The following ATP9B variants were observed in gnomAD, a reference collection of about 807,000 sequenced individuals.
The protein encoded by ATP9B is probable phospholipid-transporting ATPase IIB.
ATP9B carries 110 observed loss-of-function variants against 146.1 expected under a neutral mutation model. That is an observed-to-expected ratio of 0.75 (90% confidence interval 0.65 to 0.88). ATP9B has a LOEUF of 0.88. ATP9B is among the 40% of genes least tolerant of loss of function. ATP9B has a pLI of 0.00. For synonymous variants in ATP9B, 604 were observed against 569.7 expected, an observed-to-expected ratio of 1.06 and a Z score of -0.86; for missense variants, 1,499 against 1,496.4, an observed-to-expected ratio of 1.00 and a Z score of -0.03.
intron 4 of ATP9B, among the ~76,000 whole-genome samples, chr18:79,122,434 C>T (rs1039505861): frequency 6.6e-6 from 1 of 152,162 alleles, no homozygotes; most frequent in Non-Finnish European, 1.5e-5. Flanking sequence ...ATGCTATTGT[C>T]TTCCCACCCA....
intron 4 of ATP9B, chr18:79,117,707 G>C (rs937363579): frequency 3.1e-4 from 47 of 152,190 alleles, no homozygotes; most frequent in African/African-American, 1.1e-3. Context: ...TTCACACACA[G>C]AAGAAACACT....
chr18:79,329,150 G>A lies in ATP9B; in HGVS notation c.1783G>A (p.Val595Met). The A allele has an allele frequency of 6.3e-7, 1 of 1,597,008 alleles. No homozygotes were observed. The highest frequency in any genetic ancestry group is 8.5e-7 in the Non-Finnish European group (1 of 1,172,708). ...TGCTGGTCTCCCGTAGGTCGCTCTG[G>A]TGCAGTGGACAGAGAGTGTGGGCCT... ...QASSPDEVAL[V>M]QWTESVGLTL... Residue 595 changes from valine to methionine, a missense_variant, in exon 16 of 30, where the codon GTG (valine) becomes ATG (methionine). Val to Met is a conservative substitution (Grantham distance 21, BLOSUM62 1). Coordinates refer to ENST00000426216, the MANE Select transcript of ATP9B (RefSeq NM_198531.5).
intron 5 of ATP9B, among the ~76,000 whole-genome samples, chr18:79,140,991 A>C (rs1022157952): frequency 6.6e-6 from 1 of 152,210 alleles, no homozygotes; most frequent in African/African-American, 2.4e-5. Flanking sequence ...TAATTGAAAT[A>C]GTTTAGAGAG....
intron 23 of ATP9B, 66 bp from the exon 24 acceptor site, chr18:79,347,704 T>C (rs1156805009): frequency 1.4e-6 from 2 of 1,467,136 alleles, no homozygotes; most frequent in Admixed American, 4.9e-5. Context: ...GTTCTAAAAC[T>C]CACTTTTGGA....
At chr18:79,327,698 A>AAC (rs2096762341) in intron 15 of ATP9B, among the ~76,000 whole-genome samples, 31 of 128,860 alleles carry the variant, frequency 2.4e-4, no homozygotes, top group African/African-American at 4.7e-4. Flanking sequence ...CTCCGTGGTT[A>AAC]GTGTGCTCTC....
Position 79,377,532 on chromosome 18 carries a change from T to C in ATP9B, c.*149T>C. The C allele has an allele frequency of 9.7e-7, 1 of 1,032,372 alleles. No homozygotes were observed. The highest frequency in any genetic ancestry group is 1.6e-5 in the South Asian group (1 of 62,954). 64.0% of individuals were successfully genotyped at this position (1,032,372 alleles called of 1,614,324 possible). A position where few individuals can be genotyped will look rare whatever the true frequency, so the allele number is the denominator to read the frequency against. ...ACGCCAGGCGAGCCCAGGGCACAGA[T>C]GCTGAGACAGCCTCTCCTTCTCAGT... On this transcript the variant is annotated 3_prime_UTR_variant, in exon 30 of 30. Coordinates refer to ENST00000426216, the MANE Select transcript of ATP9B (RefSeq NM_198531.5).
At chr18:79,160,556 A>G (rs2094862620) in intron 7 of ATP9B, among the ~76,000 whole-genome samples, 1 of 152,224 alleles carries the variant, frequency 6.6e-6, no homozygotes, top group Non-Finnish European at 1.5e-5. Context: ...TCCAAATATG[A>G]AAACAGTTTT....
rs1304879263 is a variant in ATP9B, at chr18:79,118,384, G to GTTTTTTTTTTT, written c.558+5035_558+5036insTTTTTTTTTTT. Among the ~76,000 whole-genome samples the GTTTTTTTTTTT allele has an allele frequency of 6.0e-4, 44 of 73,488 alleles. 7 individuals carry two copies. The highest frequency in any genetic ancestry group is 1.8e-3 in the African/African-American group (33 of 18,684). 48.2% of individuals were successfully genotyped at this position (73,488 alleles called of 152,430 possible). On this transcript the variant is annotated intron_variant, in intron 4 of 29. Transcript: ENST00000426216. ...ATTTTAAAACACAATCATATTGAAC[G>GTTTTTTTTTTT]TTTTTGTTTTTTTTTTTTTTTTTTT...
At chr18:79,181,622 A>G (rs1165494635) in intron 8 of ATP9B, among the ~76,000 whole-genome samples, 5 of 151,752 alleles carry the variant, frequency 3.3e-5, no homozygotes, top group African/African-American at 1.2e-4. Flanking sequence ...TCTGTAACTC[A>G]ATTTTGATAG....
At chr18:79,334,945 G>A (rs897938696) in intron 17 of ATP9B, among the ~76,000 whole-genome samples, 1 of 152,114 alleles carries the variant, frequency 6.6e-6, no homozygotes, top group Admixed American at 6.5e-5. Flanking sequence ...GAGCGGGGTG[G>A]GTTTGTTTCT....
intron 4 of ATP9B, among the ~76,000 whole-genome samples, chr18:79,123,964 A>G (rs1221189822): frequency 6.6e-6 from 1 of 152,226 alleles, no homozygotes; most frequent in Non-Finnish European, 1.5e-5. Context: ...CAGAGATACT[A>G]CTTCACACCC....
At chr18:79,311,757 A>G (rs2096653586) in intron 15 of ATP9B, among the ~76,000 whole-genome samples, 1 of 152,176 alleles carries the variant, frequency 6.6e-6, no homozygotes, top group Non-Finnish European at 1.5e-5. Context: ...TGCGGATCAC[A>G]GGTTGGCTTT....
chr18:79,320,478 G>C (rs116276315), intron 15 of ATP9B, among the ~76,000 whole-genome samples: 3,690 of 152,292 alleles, frequency 0.024, 121 homozygotes, highest in African/African-American at 0.077. Context: ...GGCATGAGAG[G>C]CCCAGGGCCA....
intron 15 of ATP9B, among the ~76,000 whole-genome samples, chr18:79,312,351 G>C (rs1468669122): frequency 1.3e-5 from 2 of 152,244 alleles, no homozygotes; most frequent in Admixed American, 6.5e-5. Flanking sequence ...ATTATTCAGA[G>C]CATTTTGTTC....
In ATP9B at chr18:79,337,100, C is replaced by T. The variant is rs1600147995; in HGVS notation, c.2113-179C>T. 4.0e-5 allele frequency among the ~76,000 whole-genome samples: 6 copies of T among 151,074 alleles called. 1 individual carries two copies. In the South Asian group the frequency reaches 1.3e-3, roughly 32 times the overall value. On this transcript the variant is annotated intron_variant, in intron 18 of 29. Transcript: ENST00000426216. ...GCACGTACACGTGTGCACACAGGCGCCTCCCACTCTGTCCCCACAGCCCAT... is the reference window on the plus strand; with the variant it reads ...GCACGTACACGTGTGCACACAGGCGTCTCCCACTCTGTCCCCACAGCCCAT...
chr18:79,346,001 AAC>A (rs1568770274), intron 23 of ATP9B, among the ~76,000 whole-genome samples, 162 bp downstream of exon 23: 2 of 151,986 alleles, frequency 1.3e-5, no homozygotes, highest in East Asian at 3.9e-4. Flanking sequence ...ATGCTTGGTC[AAC>A]ACACATCAGC....
chr18:79,218,023 T>C (rs933107793), intron 11 of ATP9B, among the ~76,000 whole-genome samples: 9 of 152,354 alleles, frequency 5.9e-5, no homozygotes, highest in African/African-American at 2.2e-4. Context: ...TATTTTTGAA[T>C]GAGTAGTGGT....
intron 12 of ATP9B, among the ~76,000 whole-genome samples, chr18:79,259,556 G>A (rs963932142): frequency 6.2e-4 from 95 of 152,334 alleles, no homozygotes; most frequent in African/African-American, 2.2e-3. Context: ...TGAAGGTGAA[G>A]GGTGTTTGTG....
At chr18:79,196,363 A>C (rs1036526723) in intron 9 of ATP9B, among the ~76,000 whole-genome samples, 4 of 152,250 alleles carry the variant, frequency 2.6e-5, no homozygotes, top group African/African-American at 9.6e-5. Flanking sequence ...CTGAAGATCT[A>C]ACAGACGTAA....
Sources: allele counts gnomAD v4.1 joint callset (sites outside exome capture counted in the v4.1 genomes callset), GRCh38; gene constraint gnomAD v4.1.1; transcripts MANE v1.5; gene names NCBI Gene and HGNC (gene_info 2026-07-23, HGNC 2026-07-21).